The following COL27A1 variants were observed in gnomAD, a reference collection of about 807,000 sequenced individuals.
COL27A1 encodes the protein collagen type XXVII alpha 1 chain, also known as collagen alpha-1(XXVII) chain.
Under a neutral mutation model 251.3 loss-of-function variants are expected in COL27A1, and 106 were observed. The observed-to-expected ratio is 0.42, with a 90% CI of 0.36 to 0.50. COL27A1 has a LOEUF of 0.50. COL27A1 is among the 20% of genes least tolerant of loss of function. COL27A1 has a pLI of 0.00. For synonymous variants in COL27A1, 1,000 were observed against 986.3 expected (o/e 1.01, Z -0.26); for missense variants, 2,325 against 2,522.8 (o/e 0.92, Z 1.68).
chr9:114,296,785 C>G (rs1347620615), intron 49 of COL27A1, among the ~76,000 whole-genome samples: 1 of 151,708 alleles, frequency 6.6e-6, no homozygotes, highest in Non-Finnish European at 1.5e-5. Flanking sequence ...TATAATAGCC[C>G]CAAATTGAAA....
chr9:114,300,785 G>A (rs192339995), intron 51 of COL27A1, 98 bp downstream of exon 51: 1 of 1,039,148 alleles, frequency 9.6e-7, no homozygotes, highest in African/African-American at 1.6e-5. Flanking sequence ...CTTGCTCCTT[G>A]ACTCATGAGC....
chr9:114,289,026 GA>G, intron 44 of COL27A1, 59 bp downstream of exon 44: 1 of 1,594,168 alleles, frequency 6.3e-7, no homozygotes, highest in Non-Finnish European at 8.6e-7. Context: ...GGAGCAGTGG[GA>G]ATTAAAGAAC....
intron 23 of COL27A1, 55 bp downstream of exon 23, chr9:114,243,615 C>A (rs1832911924): frequency 6.8e-7 from 1 of 1,462,106 alleles, no homozygotes; most frequent in African/African-American, 1.4e-5. Flanking sequence ...TCCTACATAT[C>A]TGGGCCCCAA....
intron 27 of COL27A1, among the ~76,000 whole-genome samples, chr9:114,256,565 GGACCTGCCTAGGGTCACCCAGT>G (rs1421108205): frequency 6.6e-6 from 1 of 152,048 alleles, no homozygotes; most frequent in Non-Finnish European, 1.5e-5. Context: ...GGTCGCCCTG[GGACCTGCCTAGGGTCACCCAGT>G]GACCAGAGTT....
intron 27 of COL27A1, among the ~76,000 whole-genome samples, chr9:114,257,544 G>A (rs575812365): frequency 3.3e-5 from 5 of 152,054 alleles, no homozygotes; most frequent in South Asian, 2.1e-4. Context: ...AACTAAACTG[G>A]CCCTCTCACC....
At chr9:114,239,687 T>C (rs879819279) in intron 19 of COL27A1, among the ~76,000 whole-genome samples, 2 of 152,154 alleles carry the variant, frequency 1.3e-5, no homozygotes, top group Non-Finnish European at 2.9e-5. Flanking sequence ...GGAGCCCCCA[T>C]GGGTGGAGTG....
At chr9:114,162,832 A>AG (rs755921573) in intron 2 of COL27A1, 47 bp downstream of exon 2, 11 of 1,434,290 alleles carry the variant, frequency 7.7e-6, no homozygotes, top group Non-Finnish European at 9.8e-6. Context: ...GGAGAACGGA[A>AG]GGGGCCTGAG....
chr9:114,264,357 C>T lies in COL27A1; in HGVS notation c.3198C>T (p.Gly1066=), dbSNP rs764581319. 2 of 1,592,444 alleles carry T rather than the reference C, an allele frequency of 1.3e-6. No individual in the cohort carries two copies. The highest frequency in any genetic ancestry group is 1.7e-4 in the Middle Eastern group (1 of 6,014). Residue 1066 remains glycine, a splice_region_variant and synonymous_variant, in exon 29 of 61, where the codon GGC becomes GGT. Coordinates refer to ENST00000356083, the MANE Select transcript of COL27A1 (RefSeq NM_032888.4). ...CTAGTCCCTTTTTCCTATTCCAGGG[C>T]CCCCGAGGACCGGACGGACCAGCTG... ...PGMRGAKGRR[G]PRGPDGPAGE...
Position 114,311,422 on chromosome 9 carries a change from TG to T in COL27A1, c.*731del, listed in dbSNP as rs1163694268. On this transcript the variant is annotated 3_prime_UTR_variant, in exon 61 of 61. Coordinates refer to ENST00000356083, the MANE Select transcript of COL27A1 (RefSeq NM_032888.4). ...CAGACTTTGAAGAAACTTTTGGATG[TG>T]GGGCATCATCCGCATCTTTCTCTCT... 1 of 151,420 alleles carries T rather than the reference TG, an allele frequency of 6.6e-6. No homozygotes were observed. Among genetic ancestry groups the T allele is most frequent in the East Asian group, 1.9e-4 (1 of 5,178 alleles). 9.4% of individuals were successfully genotyped at this position (151,420 alleles called of 1,614,324 possible). A position where few individuals can be genotyped will look rare whatever the true frequency, so the allele number is the denominator to read the frequency against.
At chr9:114,256,391 G>T in intron 27 of COL27A1, among the ~76,000 whole-genome samples, 1 of 152,218 alleles carries the variant, frequency 6.6e-6, no homozygotes, top group Non-Finnish European at 1.5e-5. Flanking sequence ...TACTCGGGAG[G>T]CTGAGGCAGG....
chr9:114,226,114 G>A (rs372184820), intron 14 of COL27A1, among the ~76,000 whole-genome samples: 10 of 152,238 alleles, frequency 6.6e-5, no homozygotes, highest in African/African-American at 2.2e-4. Context: ...CAACAAAGAC[G>A]ATTTCTGTCC....
At chr9:114,243,974 G>A (rs1393415038) in intron 23 of COL27A1, among the ~76,000 whole-genome samples, 1 of 144,562 alleles carries the variant, frequency 6.9e-6, no homozygotes, top group Admixed American at 7.1e-5. Context: ...TTGCCAGGCT[G>A]GAGTGCAGTG....
intron 5 of COL27A1, among the ~76,000 whole-genome samples, chr9:114,187,124 C>G (rs1028590510): frequency 1.3e-5 from 2 of 152,254 alleles, no homozygotes; most frequent in Admixed American, 1.3e-4. Context: ...GCCCAGGTGG[C>G]TGCTGGCAGA....
At position 114,178,152 on chromosome 9, in the gene COL27A1, G is replaced by A; in HGVS notation, c.1909-139G>A. ...CAAAGAGCATGAATTTCTCAGGGCA[G>A]GGACCTCAGGGGACTCCTCCTCTTA... On this transcript the variant is annotated intron_variant, in intron 3 of 60. Transcript: ENST00000356083. 3 of 662,210 alleles carry A rather than the reference G, an allele frequency of 4.5e-6. No homozygotes were observed. The Middle Eastern group carries it at 7.5e-4, about 166-fold the overall frequency. 41.0% of individuals were successfully genotyped at this position (662,210 alleles called of 1,614,324 possible).
chr9:114,208,775 T>C (rs1356978920), intron 10 of COL27A1, among the ~76,000 whole-genome samples: 1 of 151,412 alleles, frequency 6.6e-6, no homozygotes, highest in East Asian at 1.9e-4. Flanking sequence ...GCACTGGGGA[T>C]GGGGGGGAGA....
In COL27A1 at chr9:114,155,969, CG is replaced by C. The variant is rs564396640; in HGVS notation, c.25del (p.Ala9ProfsTer21). The C allele has an allele frequency of 4.7e-6, 6 of 1,286,740 alleles. No individual in the cohort carries two copies. The South Asian group carries it at 1.3e-4, about 28-fold the overall frequency. 79.7% of individuals were successfully genotyped at this position (1,286,740 alleles called of 1,614,324 possible). A position where few individuals can be genotyped will look rare whatever the true frequency, so the allele number is the denominator to read the frequency against. On this transcript the variant is annotated frameshift_variant, in exon 1 of 61. Coordinates refer to ENST00000356083, the MANE Select transcript of COL27A1 (RefSeq NM_032888.4). LOFTEE classifies it high-confidence loss of function. The surrounding 1 kb of genome is among the most constrained non-coding windows in gnomAD (Gnocchi z 5.5). Reference sequence around the variant, plus strand: ...GCCTGCCATGGGAGCGGGATCGGCGCGGGGGGCCCGAGGCACAGCGGCGGCG... The same window carrying C: ...GCCTGCCATGGGAGCGGGATCGGCGCGGGGGCCCGAGGCACAGCGGCGGCG... MGAGSA[R>X]GARGTAAAAA...
chr9:114,257,138 GAAAGGGAAATGGGA>G (rs1464190726), intron 27 of COL27A1, among the ~76,000 whole-genome samples: 1 of 152,238 alleles, frequency 6.6e-6, no homozygotes. Context: ...AAGCCATGGG[GAAAGGGAAATGGGA>G]AAGTCAAGAG....
intron 19 of COL27A1, among the ~76,000 whole-genome samples, chr9:114,238,056 C>A (rs558025660): frequency 6.6e-6 from 1 of 152,310 alleles, no homozygotes; most frequent in Non-Finnish European, 1.5e-5. Context: ...AGAGTTCCCT[C>A]TCCAAGCCCT....
chr9:114,255,944 C>T (rs1265405652), intron 27 of COL27A1, among the ~76,000 whole-genome samples: 1 of 152,174 alleles, frequency 6.6e-6, no homozygotes, highest in Non-Finnish European at 1.5e-5. Flanking sequence ...CATGATGCCA[C>T]CTGGAGTATG....
Sources: gnomAD v4.1 joint callset for allele counts (sites outside exome capture counted in the v4.1 genomes callset) on GRCh38, gnomAD v4.1.1 for gene constraint, Gnocchi (gnomAD v3.1) non-coding constraint, MANE v1.5 for transcripts, NCBI Gene and HGNC (gene_info 2026-07-23, HGNC 2026-07-21) for gene names.